The following MMEL1 variants were observed in gnomAD, a reference collection of about 807,000 sequenced individuals.
MMEL1 encodes the protein membrane metallo-endopeptidase-like 1.
A neutral mutation model predicts 117.1 loss-of-function variants in MMEL1; 98 were observed. That is an observed-to-expected ratio of 0.84 (90% CI 0.71 to 0.99). The LOEUF is 0.99. Ranked by LOEUF, MMEL1 falls within the 50% of genes least tolerant of loss-of-function variation. MMEL1 has a pLI of 0.00. For missense variants in MMEL1, 1,014 were observed against 1,049.1 expected, an observed-to-expected ratio of 0.97 and a Z score of 0.46; for synonymous variants, 390 against 415.1, an observed-to-expected ratio of 0.94 and a Z score of 0.74.
intron 6 of MMEL1, 144 bp downstream of exon 6, chr1:2,609,195 C>A: frequency 2.6e-6 from 2 of 776,370 alleles, no homozygotes; most frequent in Non-Finnish European, 4.2e-6. Context: ...CGGGACACAG[C>A]ACATAGACCC....
intron 11 of MMEL1, among the ~76,000 whole-genome samples, chr1:2,601,190 T>C (rs758999116): frequency 1.3e-5 from 2 of 152,210 alleles, no homozygotes; most frequent in Non-Finnish European, 2.9e-5. Context: ...ATATACTCTA[T>C]TGACTATCAA....
At chr1:2,603,111 C>A (rs983674135) in intron 11 of MMEL1, among the ~76,000 whole-genome samples, 1 of 152,214 alleles carries the variant, frequency 6.6e-6, no homozygotes, top group African/African-American at 2.4e-5. Context: ...CCTTCCAAGG[C>A]ACTAGGTGCC....
chr1:2,622,458 T>C (rs1422157161), intron 2 of MMEL1, among the ~76,000 whole-genome samples: 1 of 152,152 alleles, frequency 6.6e-6, no homozygotes, highest in East Asian at 1.9e-4. Context: ...AAAAATTATT[T>C]AATAAGAACT....
chr1:2,596,003 A>G lies in MMEL1; in HGVS notation c.1500+6T>C, dbSNP rs759037421. Reference sequence around the variant, plus strand: ...GGGGCTGCCCTGACCTCTGCGAGCCACATACCTTCTCCTGCGCCTTCTTCT... The same window carrying G: ...GGGGCTGCCCTGACCTCTGCGAGCCGCATACCTTCTCCTGCGCCTTCTTCT... On this transcript the variant is annotated splice_donor_region_variant and intron_variant, in intron 15 of 23. Coordinates refer to ENST00000378412, the MANE Select transcript of MMEL1 (RefSeq NM_033467.4). 2.5e-6 allele frequency: 4 copies of G among 1,613,256 alleles called. No homozygotes were observed. Among genetic ancestry groups the G allele is most frequent in the Non-Finnish European group, 3.4e-6 (4 of 1,179,452 alleles).
intron 1 of MMEL1, among the ~76,000 whole-genome samples, chr1:2,631,183 G>A (rs1638563687): frequency 2.0e-5 from 3 of 152,170 alleles, no homozygotes. Flanking sequence ...CTAGGGAAGC[G>A]GCTGGGTGCT....
Position 2,621,010 on chromosome 1 carries a change from C to T in MMEL1, c.154+8321G>A, listed in dbSNP as rs372826604. On this transcript the variant is annotated intron_variant, in intron 2 of 23. Transcript: ENST00000378412. ...CACCTTAAAACAGAGACATGCCAGG[C>T]GTGATGGCTCACACCTATAATCCCA... Among the ~76,000 whole-genome samples the T allele has an allele frequency of 1.1e-4, 17 of 152,250 alleles. No individual in the cohort carries two copies. In the East Asian group the frequency reaches 2.3e-3, roughly 21 times the overall value.
At chr1:2,593,773 G>T in intron 19 of MMEL1, 41 bp downstream of exon 19, 1 of 1,539,206 alleles carries the variant, frequency 6.5e-7, no homozygotes. Context: ...CTTCTCCGCG[G>T]AGAGGGGAGG....
At chr1:2,630,487 C>T (rs1396884836) in intron 1 of MMEL1, among the ~76,000 whole-genome samples, 2 of 148,190 alleles carry the variant, frequency 1.3e-5, no homozygotes, top group Non-Finnish European at 1.5e-5. Flanking sequence ...TGTGTGTGCA[C>T]GTGTGTGCGT....
chr1:2,591,763 C>T (rs551997649), intron 22 of MMEL1, 130 bp from the exon 23 acceptor site: 66 of 1,033,710 alleles, frequency 6.4e-5, no homozygotes, highest in South Asian at 4.9e-4. Context: ...GTGCTCCCCT[C>T]CTCCCATCAG....
At chr1:2,596,773 C>A in intron 13 of MMEL1, 84 bp from the exon 14 acceptor site, 1 of 1,534,328 alleles carries the variant, frequency 6.5e-7, no homozygotes, top group South Asian at 1.1e-5. Context: ...ACGGGGTGAG[C>A]AGACCCACCT....
intron 11 of MMEL1, among the ~76,000 whole-genome samples, chr1:2,600,884 C>A (rs1644921009): frequency 6.6e-6 from 1 of 152,084 alleles, no homozygotes; most frequent in Non-Finnish European, 1.5e-5. Flanking sequence ...AAACCAAACA[C>A]CTGTAATTTA....
At chr1:2,617,557 G>A (rs1290166156) in intron 2 of MMEL1, among the ~76,000 whole-genome samples, 4 of 151,980 alleles carry the variant, frequency 2.6e-5, no homozygotes, top group South Asian at 2.1e-4. Flanking sequence ...CTGAGATTGC[G>A]CCACTGCACT....
chr1:2,593,664 C>G, intron 19 of MMEL1, 150 bp downstream of exon 19: 1 of 1,175,158 alleles, frequency 8.5e-7, no homozygotes, highest in East Asian at 2.9e-5. Flanking sequence ...GCATTCAAAG[C>G]CTGCTCTGCC....
chr1:2,611,805 C>A (rs887109915), intron 3 of MMEL1, among the ~76,000 whole-genome samples: 1 of 152,236 alleles, frequency 6.6e-6, no homozygotes, highest in African/African-American at 2.4e-5. Context: ...GCTGCCAGGG[C>A]CAGCTCCTCC....
Position 2,629,407 on chromosome 1 carries a change from C to G in MMEL1, c.78G>C (p.Glu26Asp), listed in dbSNP as rs567729151. 38 of 1,546,450 alleles carry G rather than the reference C, an allele frequency of 2.5e-5. No homozygotes were observed. In the African/African-American group the frequency reaches 4.1e-4, roughly 17 times the overall value. The change falls in exon 2 of 24, where the codon GAG becomes GAC. Residue 26 changes from glutamate (E) to aspartate (D), a missense_variant. Glu to Asp is a conservative substitution (Grantham distance 45, BLOSUM62 2). Coordinates refer to ENST00000378412, the MANE Select transcript of MMEL1 (RefSeq NM_033467.4). ...GCAGCAGCAGCAGCAGCAGCCCCCC[C>G]TCCAGGAACCCCGGGCGCTTCTGCC... ...RAGQKRPGFL[E>D]GGLLLLLLLV...
At position 2,603,979 on chromosome 1, in the gene MMEL1, C is replaced by T; in HGVS notation, c.952-6G>A. 6.2e-7 allele frequency: 1 copy of T among 1,613,518 alleles called. No homozygotes were observed. Among genetic ancestry groups the T allele is most frequent in the South Asian group, 1.1e-5 (1 of 91,084 alleles). ...TCCTCCTGGGGTACCGTGGCCTGTG[C>T]CGGGGATAGCAGTCACACGGGCGGG... On this transcript the variant is annotated splice_region_variant and splice_polypyrimidine_tract_variant and intron_variant, in intron 10 of 23. Coordinates refer to ENST00000378412, the MANE Select transcript of MMEL1 (RefSeq NM_033467.4).
In MMEL1 at chr1:2,595,440, C is replaced by A; in HGVS notation, c.1501-81G>T. 7.9e-7 allele frequency: 1 copy of A among 1,262,104 alleles called. No individual in the cohort carries two copies. The allele number at this position is 1,262,104 out of a possible 1,614,324, so 78.2% of individuals were successfully genotyped here. On this transcript the variant is annotated intron_variant, in intron 15 of 23. Coordinates refer to ENST00000378412, the MANE Select transcript of MMEL1 (RefSeq NM_033467.4). The surrounding 1 kb of genome is among the most constrained non-coding windows in gnomAD (Gnocchi z 4.8). ...CGGGGGCCGGTCAGTGAGTGCCACA[C>A]TGTGGGAGGGGTCAGCCCGGGGCAT...
At position 2,591,620 on chromosome 1, in the gene MMEL1, G is replaced by C. The variant is rs1406538230; in HGVS notation, c.2177C>G (p.Ser726Cys). ...FINYAQVWCG[S>C]YRPEFAIQSI... Reference sequence around the variant, plus strand: ...TTGGATGGCGAACTCGGGCCGGTAGGACCCGCACCACACCTGTGGGCATGT... The same window carrying C: ...TTGGATGGCGAACTCGGGCCGGTAGCACCCGCACCACACCTGTGGGCATGT... The change falls in exon 23 of 24, where the codon TCC becomes TGC. Residue 726 changes from serine (S) to cysteine (C), a missense_variant. Coordinates refer to ENST00000378412, the MANE Select transcript of MMEL1 (RefSeq NM_033467.4). 1 of 1,509,030 alleles carries C rather than the reference G, an allele frequency of 6.6e-7. No homozygotes were observed. Among genetic ancestry groups the C allele is most frequent in the Non-Finnish European group, 9.0e-7 (1 of 1,117,312 alleles). The allele number at this position is 1,509,030 out of a possible 1,614,324, so 93.5% of individuals were successfully genotyped here.
intron 2 of MMEL1, among the ~76,000 whole-genome samples, chr1:2,615,439 C>T (rs1345286370): frequency 6.6e-6 from 1 of 152,172 alleles, no homozygotes; most frequent in African/African-American, 2.4e-5. Flanking sequence ...ATCCTCAAGA[C>T]TGTCAAGATC....
Sources: allele counts gnomAD v4.1 joint callset (sites outside exome capture counted in the v4.1 genomes callset), GRCh38; gene constraint gnomAD v4.1.1; non-coding constraint Gnocchi (gnomAD v3.1); transcripts MANE v1.5; gene names NCBI Gene and HGNC (gene_info 2026-07-23, HGNC 2026-07-21).